The following GDPD1 variants were observed in gnomAD, a reference collection of about 807,000 sequenced individuals.
The protein encoded by GDPD1 is lysophospholipase D GDPD1.
In GDPD1, 28 loss-of-function variants were observed where a neutral mutation model predicts 45.1. The observed-to-expected ratio is 0.62, with a 90% CI of 0.46 to 0.85. The LOEUF (loss-of-function observed/expected upper bound fraction) is 0.85, where lower values mean the gene tolerates loss of function less well. Ranked by LOEUF, GDPD1 falls within the 40% of genes least tolerant of loss-of-function variation. GDPD1 has a pLI of 0.00. For synonymous variants in GDPD1, 139 were observed against 131.4 expected (o/e 1.06, Z -0.40); for missense variants, 256 against 364.8 (o/e 0.70, Z 2.43).
rs184342984 is a variant in GDPD1 at position 59,240,333 on chromosome 17, A to C, written c.186-5081A>C. Among the ~76,000 whole-genome samples the C allele has an allele frequency of 8.7e-4, 133 of 152,080 alleles. 1 individual carries two copies. The highest frequency in any genetic ancestry group is 3.0e-3 in the African/African-American group (125 of 41,478). On this transcript the variant is annotated intron_variant, in intron 2 of 9. Transcript: ENST00000284116. The stretch of plus-strand genomic sequence containing the variant: ...GTTTAAAAATGTTAAATAGAAAAAA[A>C]CTTACATAATAAGGATATAAAGAAA...
At chr17:59,257,881 T>C (rs1420336223) in intron 6 of GDPD1, 41 bp downstream of exon 6, 6 of 1,282,696 alleles carry the variant, frequency 4.7e-6, no homozygotes, top group Admixed American at 2.1e-5. Flanking sequence ...ATCTTTGTTG[T>C]TGTTTTGTAT....
chr17:59,231,529 T>C (rs1223787599), intron 1 of GDPD1, among the ~76,000 whole-genome samples: 1 of 151,864 alleles, frequency 6.6e-6, no homozygotes, highest in Non-Finnish European at 1.5e-5. Context: ...GGTTTCACCA[T>C]GTTAGCCAGG....
chr17:59,255,775 ATATATATATACGCGTATATATG>A (rs2047295346), intron 4 of GDPD1, among the ~76,000 whole-genome samples: 12 of 85,154 alleles, frequency 1.4e-4, no homozygotes, highest in Non-Finnish European at 2.1e-4. Context: ...ATATATATAT[ATATATATATACGCGTATATATG>A]TATATATATA....
chr17:59,251,175 G>C (rs2047250335), intron 4 of GDPD1, among the ~76,000 whole-genome samples: 1 of 152,184 alleles, frequency 6.6e-6, no homozygotes, highest in Non-Finnish European at 1.5e-5. Flanking sequence ...GTGTTCAGCT[G>C]TACCATACTC....
chr17:59,244,022 A>T (rs923325277), intron 2 of GDPD1, among the ~76,000 whole-genome samples: 10 of 152,128 alleles, frequency 6.6e-5, no homozygotes, highest in Admixed American at 5.9e-4. Flanking sequence ...CCGAGGGCTT[A>T]AGGCAGAAGG....
chr17:59,255,556 AC>A (rs1420542925), intron 4 of GDPD1, among the ~76,000 whole-genome samples: 2 of 149,796 alleles, frequency 1.3e-5, no homozygotes, highest in African/African-American at 4.9e-5. Flanking sequence ...ATCCTGGCCA[AC>A]ATGGTGAAAC....
chr17:59,237,906 C>CTAAAAAT (rs1434476361), intron 2 of GDPD1, among the ~76,000 whole-genome samples: 1 of 134,090 alleles, frequency 7.5e-6, no homozygotes, highest in Non-Finnish European at 1.5e-5. Context: ...CCCATCTCTA[C>CTAAAAAT]TAAAAATTTA....
intron 6 of GDPD1, among the ~76,000 whole-genome samples, chr17:59,261,499 A>T (rs1808134624): frequency 6.6e-6 from 1 of 151,592 alleles, no homozygotes; most frequent in Non-Finnish European, 1.5e-5. Context: ...TTTTATTATT[A>T]TTATTATTAT....
At chr17:59,256,315 TCAAA>T (rs935329666) in intron 4 of GDPD1, among the ~76,000 whole-genome samples, 13 of 151,898 alleles carry the variant, frequency 8.6e-5, no homozygotes, top group South Asian at 4.2e-4. Flanking sequence ...AGACCCTGTC[TCAAA>T]CAAACAAACA....
intron 6 of GDPD1, among the ~76,000 whole-genome samples, chr17:59,263,669 G>A (rs1007863309): frequency 4.6e-5 from 7 of 151,104 alleles, no homozygotes; most frequent in Admixed American, 2.0e-4. Flanking sequence ...TAGTAGAGAC[G>A]GGGTTTCTCT....
At chr17:59,242,863 C>T (rs887876298) in intron 2 of GDPD1, among the ~76,000 whole-genome samples, 4 of 152,186 alleles carry the variant, frequency 2.6e-5, no homozygotes, top group African/African-American at 9.6e-5. Context: ...CCCATGGCTC[C>T]ACCCCCTCCT....
chr17:59,269,452 A>C (rs1159647198), intron 7 of GDPD1, among the ~76,000 whole-genome samples: 1 of 151,300 alleles, frequency 6.6e-6, no homozygotes, highest in African/African-American at 2.4e-5. Context: ...CTCAGACAAA[A>C]CAATAGAAAA....
chr17:59,273,407 C>T (rs1241324414), intron 9 of GDPD1, among the ~76,000 whole-genome samples: 1 of 152,122 alleles, frequency 6.6e-6, no homozygotes, highest in Admixed American at 6.5e-5. Flanking sequence ...GAATTACAGG[C>T]GTGAGCCACC....
chr17:59,241,111 TA>T (rs2147883575), intron 2 of GDPD1, among the ~76,000 whole-genome samples: 1 of 152,342 alleles, frequency 6.6e-6, no homozygotes, highest in South Asian at 2.1e-4. Context: ...GATGTTTAAA[TA>T]CCATCTAGAT....
At chr17:59,232,164 C>T (rs2047095466) in intron 1 of GDPD1, among the ~76,000 whole-genome samples, 1 of 151,946 alleles carries the variant, frequency 6.6e-6, no homozygotes, top group South Asian at 2.1e-4. Flanking sequence ...CAGAATTTGT[C>T]AGTACAAGCT....
At chr17:59,221,920 C>T (rs914700816) in intron 1 of GDPD1, among the ~76,000 whole-genome samples, 5 of 152,032 alleles carry the variant, frequency 3.3e-5, no homozygotes, top group African/African-American at 1.2e-4. Context: ...CATTATCATT[C>T]TTCTATATAA....
intron 3 of GDPD1, among the ~76,000 whole-genome samples, chr17:59,246,173 C>T (rs920194543): frequency 1.3e-5 from 2 of 151,410 alleles, no homozygotes; most frequent in East Asian, 1.9e-4. Flanking sequence ...TACTCATGAA[C>T]GGAAGGAAAA....
chr17:59,221,989 T>A (rs781551893), intron 1 of GDPD1, among the ~76,000 whole-genome samples: 38 of 152,138 alleles, frequency 2.5e-4, no homozygotes, highest in Non-Finnish European at 4.3e-4. Context: ...GCCTTCCCAC[T>A]CATGAAAAGC....
intron 4 of GDPD1, among the ~76,000 whole-genome samples, chr17:59,251,988 T>C (rs1308658303): frequency 1.3e-5 from 1 of 75,764 alleles, no homozygotes; most frequent in African/African-American, 8.7e-5. Flanking sequence ...TGAGACTCAG[T>C]CTCAAAAAAA....
Sources: gnomAD v4.1 joint callset for allele counts (sites outside exome capture counted in the v4.1 genomes callset) on GRCh38, gnomAD v4.1.1 for gene constraint, MANE v1.5 for transcripts, NCBI Gene and HGNC (gene_info 2026-07-23, HGNC 2026-07-21) for gene names.